Variants in PHF14 observed in about 807,000 individuals in gnomAD.
PHF14 encodes PHD finger protein 14.
Under a neutral mutation model 117.9 loss-of-function variants are expected in PHF14, and 55 were observed. That is an observed-to-expected ratio of 0.47 (90% CI 0.38 to 0.58). The LOEUF is 0.58. PHF14 is among the 20% of genes least tolerant of loss of function. The pLI, the probability that PHF14 is intolerant of heterozygous loss-of-function variation, is 0.00. For missense variants in PHF14, 978 were observed against 1,122.2 expected (o/e 0.87, Z 1.84); for synonymous variants, 409 against 368.6 (o/e 1.11, Z -1.26).
chr7:11,067,504 A>G (rs1785463235), intron 16 of PHF14, among the ~76,000 whole-genome samples: 1 of 152,220 alleles, frequency 6.6e-6, no homozygotes, highest in Non-Finnish European at 1.5e-5. Flanking sequence ...AGATAATTGA[A>G]CACCTGTTTT....
At chr7:11,168,867 G>A (rs1265925216) in intron 17 of PHF14, among the ~76,000 whole-genome samples, 1 of 152,052 alleles carries the variant, frequency 6.6e-6, no homozygotes, top group Non-Finnish European at 1.5e-5. Context: ...ATGTTCCACA[G>A]GAACCTGCTA....
intron 16 of PHF14, chr7:11,106,929 AGAT>A: frequency 1.0e-6 from 1 of 984,162 alleles, no homozygotes; most frequent in Non-Finnish European, 1.2e-6. Context: ...TTGGCATAAA[AGAT>A]AATGTGATTA....
At chr7:11,099,251 CA>C (rs767642144) in intron 16 of PHF14, among the ~76,000 whole-genome samples, 10 of 152,058 alleles carry the variant, frequency 6.6e-5, no homozygotes, top group Non-Finnish European at 1.2e-4. Flanking sequence ...TATTGTATCA[CA>C]TTCTTTGACT....
At chr7:11,115,560 T>C (rs1488091689) in intron 17 of PHF14, among the ~76,000 whole-genome samples, 1 of 152,012 alleles carries the variant, frequency 6.6e-6, no homozygotes, top group Non-Finnish European at 1.5e-5. Context: ...ATACCTCTGC[T>C]TGAAATCTGT....
At chr7:11,089,616 A>G (rs1024336610) in intron 16 of PHF14, among the ~76,000 whole-genome samples, 1 of 152,254 alleles carries the variant, frequency 6.6e-6, no homozygotes, top group Non-Finnish European at 1.5e-5. Context: ...ACATATGTCT[A>G]TATTCTTCAA....
intron 16 of PHF14, among the ~76,000 whole-genome samples, chr7:11,110,798 T>G (rs968858822): frequency 2.0e-5 from 3 of 152,036 alleles, no homozygotes; most frequent in Admixed American, 2.0e-4. Context: ...GCTATAAATG[T>G]TAGAAAGTTC....
chr7:11,055,888 C>G (rs928052907), intron 14 of PHF14, among the ~76,000 whole-genome samples: 1 of 152,044 alleles, frequency 6.6e-6, no homozygotes, highest in African/African-American at 2.4e-5. Context: ...GGATTCAGTT[C>G]TACTGAAGTG....
At chr7:10,999,028 C>G (rs991125056) in intron 4 of PHF14, among the ~76,000 whole-genome samples, 3 of 152,166 alleles carry the variant, frequency 2.0e-5, no homozygotes, top group African/African-American at 7.2e-5. Flanking sequence ...TTGCAAAGTT[C>G]TGGCGGCACT....
intron 2 of PHF14, among the ~76,000 whole-genome samples, chr7:10,981,809 A>C (rs1782052249): frequency 6.6e-6 from 1 of 152,080 alleles, no homozygotes; most frequent in African/African-American, 2.4e-5. Flanking sequence ...GTATTCCTAA[A>C]ATTTGTTTGG....
intron 4 of PHF14, chr7:11,006,356 G>A: frequency 7.0e-6 from 3 of 431,078 alleles, no homozygotes; most frequent in South Asian, 5.4e-5. Flanking sequence ...TTTTTCTGGT[G>A]AAAACATACA....
At chr7:11,049,944 AT>A (rs1265692523) in intron 13 of PHF14, among the ~76,000 whole-genome samples, 6 of 152,180 alleles carry the variant, frequency 3.9e-5, no homozygotes, top group African/African-American at 4.8e-5. Context: ...GTAATACATG[AT>A]TATGTACATT....
intron 16 of PHF14, among the ~76,000 whole-genome samples, chr7:11,094,153 C>T (rs1786754041): frequency 6.6e-6 from 1 of 152,164 alleles, no homozygotes; most frequent in Non-Finnish European, 1.5e-5. Flanking sequence ...CCCAAATTGT[C>T]TGAATCTTTT....
chr7:11,059,663 A>C (rs1481951295), intron 14 of PHF14, among the ~76,000 whole-genome samples: 1 of 152,074 alleles, frequency 6.6e-6, no homozygotes, highest in African/African-American at 2.4e-5. Flanking sequence ...AAACCCAGCT[A>C]CTTGCAAGGC....
intron 16 of PHF14, chr7:11,108,060 A>AT (rs1328706090): frequency 6.6e-6 from 1 of 151,572 alleles, no homozygotes; most frequent in African/African-American, 2.4e-5. Context: ...ATAAGCCACT[A>AT]TTTTGGCCAT....
At chr7:11,083,457 T>C (rs1174723296) in intron 16 of PHF14, among the ~76,000 whole-genome samples, 2 of 143,554 alleles carry the variant, frequency 1.4e-5, no homozygotes, top group South Asian at 2.2e-4. Context: ...AATATTCTGC[T>C]TTCCCTATTT....
At chr7:11,058,411 A>G (rs1785094323) in intron 14 of PHF14, among the ~76,000 whole-genome samples, 1 of 152,142 alleles carries the variant, frequency 6.6e-6, no homozygotes, top group Non-Finnish European at 1.5e-5. Flanking sequence ...GAAAAAAAAA[A>G]TCCCATAGCT....
intron 17 of PHF14, among the ~76,000 whole-genome samples, chr7:11,134,863 G>A (rs1788174681): frequency 6.6e-6 from 1 of 152,094 alleles, no homozygotes; most frequent in Non-Finnish European, 1.5e-5. Flanking sequence ...TAATTCAGTA[G>A]AGCAACATAT....
chr7:11,048,803 T>C (rs1199021497), intron 13 of PHF14, among the ~76,000 whole-genome samples: 2 of 152,200 alleles, frequency 1.3e-5, no homozygotes, highest in Non-Finnish European at 2.9e-5. Context: ...GTGGACTCTA[T>C]CTACTGCAAC....
intron 16 of PHF14, among the ~76,000 whole-genome samples, chr7:11,065,322 T>G (rs1213430193): frequency 6.6e-6 from 1 of 152,110 alleles, no homozygotes; most frequent in Non-Finnish European, 1.5e-5. Context: ...AAAGGCTTTG[T>G]CTGTGATAGG....
Sources: gnomAD v4.1 joint callset for allele counts (sites outside exome capture counted in the v4.1 genomes callset) on GRCh38, gnomAD v4.1.1 for gene constraint, MANE v1.5 for transcripts, NCBI Gene and HGNC (gene_info 2026-07-23, HGNC 2026-07-21) for gene names.